The following MYO16 variants were observed in gnomAD, a reference collection of about 807,000 sequenced individuals.
MYO16 encodes the protein unconventional myosin-XVI.
Under a neutral mutation model 205.3 loss-of-function variants are expected in MYO16, and 94 were observed. The ratio of observed to expected loss-of-function variants is 0.46; its 90% CI spans 0.39 to 0.54. The LOEUF (loss-of-function observed/expected upper bound fraction) is 0.54. Among genes scored for constraint, MYO16 ranks in the 20% least tolerant of loss-of-function variants. MYO16 has a pLI of 0.00. For missense variants in MYO16, 2,315 were observed against 2,387.5 expected, an observed-to-expected ratio of 0.97 and a Z score of 0.63; for synonymous variants, 988 against 954.0, an observed-to-expected ratio of 1.04 and a Z score of -0.66.
At chr13:108,865,784 T>C (rs1051378948) in intron 11 of MYO16, among the ~76,000 whole-genome samples, 15 of 152,232 alleles carry the variant, frequency 9.9e-5, no homozygotes, top group African/African-American at 3.1e-4. Context: ...TTCTCACTTA[T>C]GCAGTTTATT....
At chr13:109,156,829 G>A (rs1014336074) in intron 32 of MYO16, among the ~76,000 whole-genome samples, 2 of 152,108 alleles carry the variant, frequency 1.3e-5, no homozygotes, top group Non-Finnish European at 2.9e-5. Flanking sequence ...TCACCTGGGC[G>A]TCCCCTCCTG....
At chr13:108,745,110 C>T (rs1017418308) in intron 4 of MYO16, among the ~76,000 whole-genome samples, 6 of 152,266 alleles carry the variant, frequency 3.9e-5, no homozygotes, top group Admixed American at 2.0e-4. Flanking sequence ...GATTGAAAAT[C>T]GGTGATGTTT....
In MYO16 at chr13:109,052,390, G is replaced by C. The variant is rs770730585; in HGVS notation, c.2963G>C (p.Arg988Pro). 1 of 1,612,372 alleles carries C rather than the reference G, an allele frequency of 6.2e-7. No individual in the cohort carries two copies. Among genetic ancestry groups the C allele is most frequent in the Non-Finnish European group, 8.5e-7 (1 of 1,178,668 alleles). Residue 988 changes from arginine to proline, a missense_variant, in exon 25 of 35, where the codon CGA becomes CCA. Around this residue, in one of 3 missense-constraint regions of MYO16, gnomAD observed 1,213 missense variants for 1,274.4 expected, o/e 0.95. Transcript: ENST00000457511. ...LVSAYPSFKF[R>P]GHKSALLSKK... ...TCTGCCTATCCTTCCTTTAAATTCC[G>C]AGGACATAAGTCTGCCCTGCTCAGT...
chr13:109,181,636 A>T (rs1879454831), intron 34 of MYO16, among the ~76,000 whole-genome samples: 2 of 152,320 alleles, frequency 1.3e-5, no homozygotes, highest in Admixed American at 1.3e-4. Context: ...GTTATGGTAG[A>T]TAAAGAAAAG....
intron 27 of MYO16, among the ~76,000 whole-genome samples, chr13:109,079,949 C>A (rs1474372172): frequency 6.7e-6 from 1 of 149,096 alleles, no homozygotes; most frequent in East Asian, 2.0e-4. Context: ...GATCTCAGCT[C>A]ACTGCAACCT....
chr13:108,610,831 G>GA (rs944723316), intron 1 of MYO16, among the ~76,000 whole-genome samples: 9 of 151,588 alleles, frequency 5.9e-5, no homozygotes, highest in South Asian at 4.2e-4. Flanking sequence ...TGGTTGAAAA[G>GA]AAAAAAAAGG....
the MYO16 span, among the ~76,000 whole-genome samples, chr13:108,495,988 C>T: frequency 3.9e-5 from 6 of 152,082 alleles, no homozygotes; most frequent in Non-Finnish European, 8.8e-5. Context: ...GGCAGCCTCT[C>T]CGAGTCTGGA....
intron 13 of MYO16, among the ~76,000 whole-genome samples, chr13:108,885,948 A>T (rs954087958): frequency 1.1e-4 from 16 of 151,696 alleles, no homozygotes; most frequent in Admixed American, 2.6e-4. Flanking sequence ...GGAACTTTTT[A>T]TCCAGTATAT....
intron 21 of MYO16, among the ~76,000 whole-genome samples, chr13:109,004,817 G>C (rs1885336974): frequency 6.6e-6 from 1 of 152,152 alleles, no homozygotes; most frequent in South Asian, 2.1e-4. Context: ...TCCTCCCTCT[G>C]CCAGCTATAA....
At chr13:108,890,718 A>G (rs1880133096) in intron 14 of MYO16, among the ~76,000 whole-genome samples, 1 of 152,224 alleles carries the variant, frequency 6.6e-6, no homozygotes, top group Non-Finnish European at 1.5e-5. Flanking sequence ...AACTGCCATC[A>G]GCCTGTATCA....
chr13:109,078,898 C>T (rs1440950146), intron 27 of MYO16, among the ~76,000 whole-genome samples: 1 of 152,166 alleles, frequency 6.6e-6, no homozygotes, highest in East Asian at 1.9e-4. Flanking sequence ...GGATGGTTCC[C>T]TCTAATCCAC....
chr13:109,126,134 T>C (rs1300944192), intron 30 of MYO16, among the ~76,000 whole-genome samples: 3 of 152,248 alleles, frequency 2.0e-5, no homozygotes, highest in Admixed American at 2.0e-4. Context: ...TCCTTTCCCA[T>C]TTCTGCCGAT....
chr13:108,916,386 T>C (rs921573191), intron 16 of MYO16, among the ~76,000 whole-genome samples: 5 of 152,194 alleles, frequency 3.3e-5, no homozygotes, highest in Admixed American at 6.5e-5. Flanking sequence ...AATTTATGCC[T>C]AAATTGTCTC....
chr13:109,167,194 C>T (rs1273685906), intron 33 of MYO16: 1 of 152,216 alleles, frequency 6.6e-6, no homozygotes, highest in Non-Finnish European at 1.5e-5. Flanking sequence ...CACTCTGTCA[C>T]GTTTGATTGA....
intron 15 of MYO16, among the ~76,000 whole-genome samples, chr13:108,907,945 T>G (rs2139228434): frequency 6.6e-6 from 1 of 152,336 alleles, no homozygotes; most frequent in Admixed American, 6.5e-5. Flanking sequence ...AAATGGAAGA[T>G]AATTTCATTT....
intron 1 of MYO16, among the ~76,000 whole-genome samples, chr13:108,602,271 G>A (rs1033123216): frequency 1.3e-5 from 2 of 151,980 alleles, no homozygotes; most frequent in African/African-American, 2.4e-5. Context: ...ATGGACTGAG[G>A]CACCACCCAC....
At chr13:108,926,340 T>G (rs771858064) in intron 16 of MYO16, among the ~76,000 whole-genome samples, 5 of 152,198 alleles carry the variant, frequency 3.3e-5, no homozygotes, top group Non-Finnish European at 7.3e-5. Flanking sequence ...AGTACAATGC[T>G]CCTTTCTGAA....
chr13:108,844,944 C>T (rs549258843), intron 10 of MYO16, among the ~76,000 whole-genome samples: 8 of 151,560 alleles, frequency 5.3e-5, no homozygotes, highest in African/African-American at 1.5e-4. Context: ...GTTTATGTTG[C>T]GTGTGTGTGT....
At chr13:108,782,411 A>G (rs1015547552) in intron 4 of MYO16, among the ~76,000 whole-genome samples, 4 of 152,240 alleles carry the variant, frequency 2.6e-5, no homozygotes, top group African/African-American at 9.6e-5. Flanking sequence ...AGCATTCAAG[A>G]GGTGACTTGG....
Sources: gnomAD v4.1 joint callset for allele counts (sites outside exome capture counted in the v4.1 genomes callset) on GRCh38, gnomAD v4.1.1 for gene constraint, gnomAD v4.1.1 regional missense constraint, MANE v1.5 for transcripts, NCBI Gene and HGNC (gene_info 2026-07-23, HGNC 2026-07-21) for gene names.